The following DNAAF9 variants were observed in gnomAD, a reference collection of about 807,000 sequenced individuals.
DNAAF9 encodes the protein dynein axonemal assembly factor 9, also known as shulin.
DNAAF9 carries 90 observed loss-of-function variants against 167.0 expected under a neutral mutation model. The observed-to-expected ratio is 0.54, with a 90% CI of 0.45 to 0.64. The LOEUF (loss-of-function observed/expected upper bound fraction) is 0.64. Ranked by LOEUF, DNAAF9 falls within the 30% of genes least tolerant of loss-of-function variation. The pLI is 0.00. For missense variants in DNAAF9, 1,315 were observed against 1,442.2 expected (o/e 0.91, Z 1.43); for synonymous variants, 491 against 508.8 (o/e 0.96, Z 0.47).
intron 29 of DNAAF9, among the ~76,000 whole-genome samples, chr20:3,278,193 T>C (rs1334804203): frequency 2.6e-5 from 4 of 152,140 alleles, no homozygotes; most frequent in African/African-American, 7.2e-5. Flanking sequence ...GGGTGAATTT[T>C]TCTCAATGTT....
At position 3,250,178 on chromosome 20, in the gene DNAAF9, A is replaced by C. The variant is rs1180396169; in HGVS notation, c.*2394T>G. 6.6e-6 allele frequency: 1 copy of C among 152,214 alleles called. No homozygotes were observed. Among genetic ancestry groups the C allele is most frequent in the Non-Finnish European group, 1.5e-5 (1 of 68,042 alleles). 9.4% of individuals were successfully genotyped at this position (152,214 alleles called of 1,614,324 possible). A position where few individuals can be genotyped will look rare whatever the true frequency, so the allele number is the denominator to read the frequency against. ...CCCTGGATCCACTTCTAAGGTCAAA[A>C]GCAGTGTCATGGCCATTCCTTTGGA... On this transcript the variant is annotated 3_prime_UTR_variant, in exon 37 of 37. Transcript: ENST00000252032.
chr20:3,313,658 A>G (rs1222181493), intron 20 of DNAAF9, among the ~76,000 whole-genome samples: 1 of 152,264 alleles, frequency 6.6e-6, no homozygotes, highest in Non-Finnish European at 1.5e-5. Flanking sequence ...TGAGGATTTC[A>G]TATGAGCAGA....
chr20:3,324,493 A>G (rs1376556625), intron 14 of DNAAF9, among the ~76,000 whole-genome samples: 1 of 152,040 alleles, frequency 6.6e-6, no homozygotes, highest in African/African-American at 2.4e-5. Context: ...GGTTTCTGTC[A>G]TTCAAGAGAC....
chr20:3,396,133 T>G (rs1232935482), intron 1 of DNAAF9, among the ~76,000 whole-genome samples: 1 of 152,244 alleles, frequency 6.6e-6, no homozygotes, highest in African/African-American at 2.4e-5. Flanking sequence ...CGTGGAACTG[T>G]GAGTCCAATA....
Position 3,260,001 on chromosome 20 carries a change from T to C in DNAAF9, c.2901A>G (p.Ser967=), listed in dbSNP as rs1393730105. ...GWYEGKLNAG[S]VYPLMVQICV... ...AGATCTGAACCATTAGGGGATAGAC[T>C]GATCCAGCATTCAATTTACCTTCAT... The change falls in exon 32 of 37, where the codon TCA becomes TCG. Residue 967 remains serine (S), a synonymous_variant. Coordinates refer to ENST00000252032, the MANE Select transcript of DNAAF9 (RefSeq NM_001009984.3). The C allele has an allele frequency of 1.9e-6, 3 of 1,611,010 alleles. No individual in the cohort carries two copies. The highest frequency in any genetic ancestry group is 1.3e-5 in the African/African-American group (1 of 74,880).
At chr20:3,326,617 T>C (rs1293623396) in intron 12 of DNAAF9, among the ~76,000 whole-genome samples, 2 of 151,924 alleles carry the variant, frequency 1.3e-5, no homozygotes, top group African/African-American at 4.8e-5. Flanking sequence ...TGGTGGTGTG[T>C]GCCTGTATTC....
rs370212012 is a variant in DNAAF9 at position 3,265,644 on chromosome 20, T to C, written c.2787-1120A>G. Among the ~76,000 whole-genome samples, 366 of 151,482 alleles carry C rather than the reference T, an allele frequency of 2.4e-3. 1 individual carries two copies. Among genetic ancestry groups the C allele is most frequent in the African/African-American group, 8.3e-3 (344 of 41,290 alleles). Reference sequence around the variant, plus strand: ...GAATTAAATACTTTTTTTGGTGTGGTTGTTATTACTTTGATATACAGATAC... The same window carrying C: ...GAATTAAATACTTTTTTTGGTGTGGCTGTTATTACTTTGATATACAGATAC... On this transcript the variant is annotated intron_variant, in intron 30 of 36. Coordinates refer to ENST00000252032, the MANE Select transcript of DNAAF9 (RefSeq NM_001009984.3).
intron 30 of DNAAF9, among the ~76,000 whole-genome samples, chr20:3,265,794 C>T (rs1190011386): frequency 6.6e-6 from 1 of 150,926 alleles, no homozygotes; most frequent in Non-Finnish European, 1.5e-5. Context: ...TCTCCTGCCT[C>T]AGCCTCCCAA....
chr20:3,275,926 TAC>T (rs950488181), intron 29 of DNAAF9, among the ~76,000 whole-genome samples: 8 of 152,226 alleles, frequency 5.3e-5, no homozygotes, highest in African/African-American at 1.9e-4. Context: ...TTCTTCTATC[TAC>T]AGATGCTTTT....
chr20:3,380,118 C>A (rs879513637), intron 3 of DNAAF9, among the ~76,000 whole-genome samples: 1 of 152,166 alleles, frequency 6.6e-6, no homozygotes, highest in Non-Finnish European at 1.5e-5. Flanking sequence ...TAAACTATTT[C>A]CTTAATTTCA....
chr20:3,256,290 T>C (rs2068279303), intron 33 of DNAAF9, 79 bp from the exon 34 acceptor site: 5 of 1,016,612 alleles, frequency 4.9e-6, no homozygotes, highest in Non-Finnish European at 7.7e-6. Flanking sequence ...ACAATGCAGA[T>C]GGTTGGGATA....
At chr20:3,349,218 A>AAAAAAAC (rs2070264344) in intron 7 of DNAAF9, among the ~76,000 whole-genome samples, 1 of 147,552 alleles carries the variant, frequency 6.8e-6, no homozygotes, top group Non-Finnish European at 1.5e-5. Context: ...AAAAAAAAAA[A>AAAAAAAC]CACCATGAAA....
intron 10 of DNAAF9, 96 bp downstream of exon 10, chr20:3,340,408 C>T (rs1270544669): frequency 9.9e-7 from 1 of 1,006,892 alleles, no homozygotes; most frequent in Admixed American, 2.4e-5. Flanking sequence ...AACACACTAA[C>T]TGGAAAAGGT....
intron 16 of DNAAF9, among the ~76,000 whole-genome samples, chr20:3,321,328 G>A (rs992165199): frequency 2.6e-5 from 4 of 152,256 alleles, no homozygotes; most frequent in Non-Finnish European, 5.9e-5. Flanking sequence ...ACCTAGGCTA[G>A]CTGGTATAGT....
intron 23 of DNAAF9, chr20:3,295,682 C>T (rs1162379651): frequency 5.3e-6 from 3 of 562,434 alleles, no homozygotes; most frequent in East Asian, 9.3e-5. Context: ...CAAACTGTAA[C>T]ACAGTCCATG....
chr20:3,259,122 C>T (rs951238279), intron 33 of DNAAF9, among the ~76,000 whole-genome samples: 6 of 152,196 alleles, frequency 3.9e-5, no homozygotes. Context: ...AGCTGAAGAG[C>T]TCAGCACTGG....
chr20:3,337,432 T>TC (rs1414215411), intron 10 of DNAAF9, among the ~76,000 whole-genome samples: 21 of 109,150 alleles, frequency 1.9e-4, no homozygotes, highest in African/African-American at 7.2e-4. Context: ...CCCAGGTTCT[T>TC]TTTTTTTGTT....
chr20:3,318,146 AGGC>A, intron 17 of DNAAF9, 140 bp downstream of exon 17: 1 of 336,076 alleles, frequency 3.0e-6, no homozygotes. Flanking sequence ...TGTGTCACTG[AGGC>A]TGGAGTGCAG....
intron 1 of DNAAF9, among the ~76,000 whole-genome samples, chr20:3,386,646 GA>G (rs1202492841): frequency 6.6e-6 from 1 of 152,054 alleles, no homozygotes; most frequent in Non-Finnish European, 1.5e-5. Flanking sequence ...TTTGCTCTAT[GA>G]AAGACTCTGT....
Sources: gnomAD v4.1 joint callset for allele counts (sites outside exome capture counted in the v4.1 genomes callset) on GRCh38, gnomAD v4.1.1 for gene constraint, MANE v1.5 for transcripts, NCBI Gene and HGNC (gene_info 2026-07-23, HGNC 2026-07-21) for gene names.